The following MX2 variants were observed in gnomAD, a reference collection of about 807,000 sequenced individuals.
The protein encoded by MX2 is MX dynamin like GTPase 2.
Under a neutral mutation model 74.0 loss-of-function variants are expected in MX2, and 51 were observed. The ratio of observed to expected loss-of-function variants is 0.69; its 90% CI spans 0.55 to 0.87. The LOEUF is 0.87. Among genes scored for constraint, MX2 ranks in the 40% least tolerant of loss-of-function variants. The pLI, the probability that MX2 is intolerant of heterozygous loss-of-function variation, is 0.00. For missense variants in MX2, 832 were observed against 908.7 expected (o/e 0.92, Z 1.09); for synonymous variants, 369 against 339.3 (o/e 1.09, Z -0.96).
intron 6 of MX2, 117 bp from the exon 7 acceptor site, chr21:41,395,470 G>C: frequency 1.2e-6 from 1 of 807,560 alleles, no homozygotes; most frequent in Non-Finnish European, 2.0e-6. Context: ...AGGCACTGGA[G>C]GATCAAGACT....
At chr21:41,403,189 T>C (rs745604565) in intron 11 of MX2, 78 bp from the exon 12 acceptor site, 7 of 1,192,954 alleles carry the variant, frequency 5.9e-6, no homozygotes, top group Non-Finnish European at 7.4e-6. Flanking sequence ...ATCCTCCCTG[T>C]GTCTTTAACC....
rs570048887 is a variant in MX2 at position 41,375,166 on chromosome 21, C to T, written c.-71-1670C>T. ...ACCCAAGTTACCCTCACCCCAGAAT[C>T]TCAAGCCCACCACCTGTCTTTCTCC... On this transcript the variant is annotated intron_variant, in intron 1 of 13. Coordinates refer to ENST00000330714, the MANE Select transcript of MX2 (RefSeq NM_002463.2). 2.6e-5 allele frequency among the ~76,000 whole-genome samples: 4 copies of T among 152,346 alleles called. No homozygotes were observed. The South Asian group carries it at 8.3e-4, about 32-fold the overall frequency.
rs1323028091 is a variant in MX2 at position 41,376,880 on chromosome 21, C to A, written c.-27C>A. On this transcript the variant is annotated 5_prime_UTR_variant, in exon 2 of 14. Coordinates refer to ENST00000330714, the MANE Select transcript of MX2 (RefSeq NM_002463.2). ...AGGTGCCAAGTAGCAGAGAAAGCATCCCCCAGCTCTGACAGGGAGACAGCA... is the reference window on the plus strand; with the variant it reads ...AGGTGCCAAGTAGCAGAGAAAGCATACCCCAGCTCTGACAGGGAGACAGCA... 6 of 1,609,142 alleles carry A rather than the reference C, an allele frequency of 3.7e-6. No individual in the cohort carries two copies. The highest frequency in any genetic ancestry group is 1.7e-4 in the Middle Eastern group (1 of 5,944).
At chr21:41,374,672 C>G (rs2089376094) in intron 1 of MX2, among the ~76,000 whole-genome samples, 2 of 151,918 alleles carry the variant, frequency 1.3e-5, no homozygotes, top group Admixed American at 1.3e-4. Flanking sequence ...TGAAAGCCGG[C>G]AGGTGTCGCA....
intron 7 of MX2, among the ~76,000 whole-genome samples, chr21:41,396,019 C>G (rs769452817): frequency 4.6e-5 from 7 of 152,216 alleles, no homozygotes; most frequent in Admixed American, 6.5e-5. Flanking sequence ...AAGCGTAGAA[C>G]TCTTTGGTTT....
In MX2 at chr21:41,403,674, G is replaced by A. The variant is rs746422578; in HGVS notation, c.1650+331G>A. 11 of 551,804 alleles carry A rather than the reference G, an allele frequency of 2.0e-5. No homozygotes were observed. The East Asian group carries it at 4.3e-4, about 22-fold the overall frequency. 34.2% of individuals were successfully genotyped at this position (551,804 alleles called of 1,614,324 possible). A position where few individuals can be genotyped will look rare whatever the true frequency, so the allele number is the denominator to read the frequency against. ...TTTTTCAAGCATAAAGCACAGCATT[G>A]TTTACTAGTCCTACTCCCAAATTTG... On this transcript the variant is annotated intron_variant, in intron 12 of 13. Coordinates refer to ENST00000330714, the MANE Select transcript of MX2 (RefSeq NM_002463.2).
Position 41,407,842 on chromosome 21 carries a change from G to A in MX2, c.1906-149G>A, listed in dbSNP as rs2089907100. 7.2e-6 allele frequency: 7 copies of A among 974,298 alleles called. No homozygotes were observed. In the East Asian group the frequency reaches 1.7e-4, roughly 24 times the overall value. 60.4% of individuals were successfully genotyped at this position (974,298 alleles called of 1,614,324 possible). A position where few individuals can be genotyped will look rare whatever the true frequency, so the allele number is the denominator to read the frequency against. On this transcript the variant is annotated intron_variant, in intron 13 of 13. Coordinates refer to ENST00000330714, the MANE Select transcript of MX2 (RefSeq NM_002463.2). The stretch of plus-strand genomic sequence containing the variant: ...CGCAAATAGAACCTTCACGGGGCTT[G>A]ATGCTGACCACCGGAGTGGAGGTGG...
rs1423949908 is a variant in MX2, at chr21:41,377,830, G to A, written c.291G>A (p.Val97=). ...NNLYSQYEQK[V]RPCIDLIDSL... Reference sequence around the variant, plus strand: ...TGTACAGCCAGTACGAGCAGAAGGTGCGCCCCTGCATTGACCTCATCGACT... The same window carrying A: ...TGTACAGCCAGTACGAGCAGAAGGTACGCCCCTGCATTGACCTCATCGACT... Residue 97 remains valine, a synonymous_variant, in exon 3 of 14, where the codon GTG becomes GTA. Coordinates refer to ENST00000330714, the MANE Select transcript of MX2 (RefSeq NM_002463.2). The A allele has an allele frequency of 5.0e-6, 8 of 1,613,998 alleles. No homozygotes were observed. The Admixed American group carries it at 1.3e-4, about 27-fold the overall frequency.
rs139280547 is a variant in MX2, at chr21:41,379,255, G to T, written c.443-762G>T. On this transcript the variant is annotated intron_variant, in intron 3 of 13. Coordinates refer to ENST00000330714, the MANE Select transcript of MX2 (RefSeq NM_002463.2). ...AGTCTGAATGCCAGAGGGCAGGCAC[G>T]GGACCCTGGGCGAGTCCCATAGTTG... 2.4e-3 allele frequency among the ~76,000 whole-genome samples: 362 copies of T among 152,286 alleles called. 1 individual carries two copies. Among genetic ancestry groups the T allele is most frequent in the African/African-American group, 8.2e-3 (341 of 41,558 alleles).
chr21:41,399,467 G>A lies in MX2; in HGVS notation c.1414+130G>A, dbSNP rs112405250. The A allele has an allele frequency of 3.7e-5, 38 of 1,021,902 alleles. No individual in the cohort carries two copies. In the African/African-American group the frequency reaches 5.0e-4, roughly 13 times the overall value. The allele number at this position is 1,021,902 out of a possible 1,614,324, so 63.3% of individuals were successfully genotyped here. On this transcript the variant is annotated intron_variant, in intron 10 of 13. Transcript: ENST00000330714. Reference sequence around the variant, plus strand: ...AAGACCGTGGAACCCTTGGTAATCAGCAACTGTCTCTCAACGAACAAAACC... The same window carrying A: ...AAGACCGTGGAACCCTTGGTAATCAACAACTGTCTCTCAACGAACAAAACC...
In MX2 at chr21:41,390,711, G is replaced by A; in HGVS notation, c.871+8G>A. On this transcript the variant is annotated splice_region_variant and intron_variant, in intron 6 of 13. Coordinates refer to ENST00000330714, the MANE Select transcript of MX2 (RefSeq NM_002463.2). ...AAGGGGACAGGACCATCGGTAAGAG[G>A]AAAGAACCAAGTGGCCGGGTGCGGT... 1 of 1,613,628 alleles carries A rather than the reference G, an allele frequency of 6.2e-7. No homozygotes were observed. Among genetic ancestry groups the A allele is most frequent in the South Asian group, 1.1e-5 (1 of 91,074 alleles).
chr21:41,367,730 G>A (rs527772972), intron 1 of MX2, among the ~76,000 whole-genome samples: 4 of 152,216 alleles, frequency 2.6e-5, no homozygotes, highest in Admixed American at 2.0e-4. Context: ...CAGCAGCCTC[G>A]AAGTTGACAG....
At chr21:41,385,731 G>C (rs370772215) in intron 5 of MX2, among the ~76,000 whole-genome samples, 1 of 152,120 alleles carries the variant, frequency 6.6e-6, no homozygotes, top group Non-Finnish European at 1.5e-5. Context: ...AGGGAGAGAG[G>C]CTGGGGAGCC....
intron 6 of MX2, among the ~76,000 whole-genome samples, chr21:41,392,472 A>G (rs1256947434): frequency 6.6e-6 from 1 of 152,192 alleles, no homozygotes; most frequent in Admixed American, 6.5e-5. Context: ...TCGGACTCAT[A>G]CAGACAAAGT....
In MX2 at chr21:41,408,441, A is replaced by G. The variant is rs933849830; in HGVS notation, c.*208A>G. The G allele has an allele frequency of 5.1e-5, 32 of 633,632 alleles. 1 individual carries two copies. Among genetic ancestry groups the G allele is most frequent in the Admixed American group, 1.6e-4 (5 of 32,150 alleles). The allele number at this position is 633,632 out of a possible 1,614,324, so 39.3% of individuals were successfully genotyped here. ...ACCCAGCTCTTCCCTGACCTTCACG[A>G]AGGGATGGCTCTCCAGTCCTTGGGT... On this transcript the variant is annotated 3_prime_UTR_variant, in exon 14 of 14. Transcript: ENST00000330714.
In MX2 at chr21:41,377,147, A is replaced by T. The variant is rs1279871574; in HGVS notation, c.241A>T (p.Arg81Trp). 1 of 1,614,134 alleles carries T rather than the reference A, an allele frequency of 6.2e-7. No homozygotes were observed. Among genetic ancestry groups the T allele is most frequent in the East Asian group, 2.2e-5 (1 of 44,872 alleles). Residue 81 changes from arginine to tryptophan, a missense_variant, in exon 2 of 14, where the codon AGG (arginine) becomes TGG (tryptophan). Transcript: ENST00000330714. ...ACCACCAGGAAACAGGAGCCAACCA[A>T]GGGCAATGGTAAGCCCGGTGGAGGG... ...QPPPGNRSQP[R>W]AMGPENNLYS...
rs779921527 is a variant in MX2 at position 41,377,836 on chromosome 21, C to T, written c.297C>T (p.Pro99=). 2.3e-5 allele frequency: 37 copies of T among 1,614,102 alleles called. No homozygotes were observed. Among genetic ancestry groups the T allele is most frequent in the Non-Finnish European group, 3.1e-5 (36 of 1,180,034 alleles). ...GCCAGTACGAGCAGAAGGTGCGCCC[C>T]TGCATTGACCTCATCGACTCCCTGC... ...LYSQYEQKVR[P]CIDLIDSLRA... is the part of the protein sequence containing the mutation. The change falls in exon 3 of 14, where the codon CCC becomes CCT. Residue 99 remains proline, a synonymous_variant. Transcript: ENST00000330714.
intron 10 of MX2, 165 bp downstream of exon 10, chr21:41,399,502 GGGGC>G: frequency 1.4e-6 from 1 of 690,828 alleles, no homozygotes; most frequent in South Asian, 2.1e-5. Flanking sequence ...CCAGAAATAT[GGGGC>G]ATCGACCTCA....
chr21:41,384,208 T>G (rs2089537640), intron 5 of MX2, among the ~76,000 whole-genome samples: 1 of 152,160 alleles, frequency 6.6e-6, no homozygotes, highest in South Asian at 2.1e-4. Context: ...GTTAAGCCCG[T>G]GGAACTGCGA....
Sources: gnomAD v4.1 joint callset for allele counts (sites outside exome capture counted in the v4.1 genomes callset) on GRCh38, gnomAD v4.1.1 for gene constraint, MANE v1.5 for transcripts, NCBI Gene and HGNC (gene_info 2026-07-23, HGNC 2026-07-21) for gene names.